The following TMLHE variants were observed in gnomAD, a reference collection of about 807,000 sequenced individuals.
TMLHE encodes the protein trimethyllysine dioxygenase, mitochondrial.
TMLHE carries 18 observed loss-of-function variants against 25.7 expected under a neutral mutation model. That is an observed-to-expected ratio of 0.70 (90% CI 0.48 to 1.04). The LOEUF (loss-of-function observed/expected upper bound fraction) is 1.04, where lower values mean the gene tolerates loss of function less well. Ranked by LOEUF, TMLHE falls within the 50% of genes least tolerant of loss-of-function variation. The pLI, the probability that TMLHE is intolerant of heterozygous loss-of-function variation, is 0.00. For missense variants in TMLHE, 236 were observed against 259.0 expected (o/e 0.91, Z 0.61); for synonymous variants, 105 against 97.0 (o/e 1.08, Z -0.49).
chrX:155,568,525 GCCT>G lies in TMLHE; in HGVS notation c.-1-23251_-1-23249del, dbSNP rs2067521800. 3.2e-5 allele frequency among the ~76,000 whole-genome samples: 2 copies of G among 62,161 alleles called. 1 individual carries two copies. Among genetic ancestry groups the G allele is most frequent in the Admixed American group, 3.7e-4 (2 of 5,371 alleles). The allele number at this position is 62,161 out of a possible 115,157, so 54.0% of individuals were successfully genotyped here. On this transcript the variant is annotated intron_variant, in intron 1 of 7. Transcript: ENST00000334398. ...CTGGAGATCTGAGAACAGGCAGACT[GCCT>G]CCTCAAGTGGGTCCCTGACCCCTGA...
At chrX:155,551,511 C>G (rs1244400613) in intron 1 of TMLHE, among the ~76,000 whole-genome samples, 8 of 109,443 alleles carry the variant, frequency 7.3e-5, no homozygotes, top group African/African-American at 2.7e-4. Flanking sequence ...TAAAAGCGTT[C>G]CTATTTCTCC....
intron 1 of TMLHE, among the ~76,000 whole-genome samples, chrX:155,556,686 G>A (rs4092285): frequency 1.3e-3 from 144 of 110,076 alleles, no homozygotes; most frequent in African/African-American, 4.6e-3. Context: ...CACCACTGTC[G>A]TTGATAACAT....
chrX:155,541,910 A>G (rs1479552163), intron 2 of TMLHE, among the ~76,000 whole-genome samples: 3 of 109,778 alleles, frequency 2.7e-5, no homozygotes, highest in African/African-American at 9.9e-5. Context: ...TTTCATGTAA[A>G]TTTGTCTAAG....
chrX:155,549,827 A>C (rs1211854921), intron 1 of TMLHE, among the ~76,000 whole-genome samples: 1 of 109,526 alleles, frequency 9.1e-6, no homozygotes, highest in East Asian at 2.8e-4. Context: ...CTGCACCCAT[A>C]AACCCGTCAC....
chrX:155,548,537 C>CAG (rs1305384210), intron 1 of TMLHE, among the ~76,000 whole-genome samples: 4 of 106,832 alleles, frequency 3.7e-5, no homozygotes, highest in Non-Finnish European at 3.8e-5. Flanking sequence ...AGTATGAGGC[C>CAG]AGCCTGACTA....
chrX:155,596,762 T>G (rs782778646), intron 1 of TMLHE, among the ~76,000 whole-genome samples: 3 of 111,948 alleles, frequency 2.7e-5, no homozygotes, highest in Non-Finnish European at 5.6e-5. Context: ...CCCAATCTTT[T>G]GGCGCCTCTT....
intron 2 of TMLHE, among the ~76,000 whole-genome samples, chrX:155,538,096 T>C (rs1459073692): frequency 7.2e-5 from 8 of 111,488 alleles, no homozygotes; most frequent in Non-Finnish European, 9.4e-5. Context: ...ACTCTAATTA[T>C]GTATCCTCTG....
At chrX:155,556,479 T>A (rs781945719) in intron 1 of TMLHE, among the ~76,000 whole-genome samples, 4 of 110,222 alleles carry the variant, frequency 3.6e-5, no homozygotes, top group Admixed American at 9.7e-5. Flanking sequence ...GTAGGATCCG[T>A]GATGCCCCAC....
At chrX:155,593,714 A>T (rs782598009) in intron 1 of TMLHE, among the ~76,000 whole-genome samples, 1 of 112,044 alleles carries the variant, frequency 8.9e-6, no homozygotes, top group East Asian at 2.8e-4. Flanking sequence ...ATACATGAAC[A>T]AAATAAGAAG....
chrX:155,532,232 A>G (rs2067252904), intron 2 of TMLHE, among the ~76,000 whole-genome samples: 1 of 112,287 alleles, frequency 8.9e-6, no homozygotes, highest in Non-Finnish European at 1.9e-5. Flanking sequence ...CAGAAGGGTT[A>G]CCTACACACA....
chrX:155,584,636 A>T (rs2067653026), intron 1 of TMLHE, among the ~76,000 whole-genome samples: 2 of 111,540 alleles, frequency 1.8e-5, no homozygotes, highest in South Asian at 7.5e-4. Flanking sequence ...CTAGCCACCA[A>T]TAAAAGAACT....
chrX:155,572,334 C>G lies in TMLHE; in HGVS notation c.-1-27057G>C, dbSNP rs1204342558. On this transcript the variant is annotated intron_variant, in intron 1 of 7. Transcript: ENST00000334398. ...CAAACCACTGCTCAATGAAATAAAA[C>G]AGGATACAAAGAAATGGAAGAACAT... Among the ~76,000 whole-genome samples, 3 of 55,177 alleles carry G rather than the reference C, an allele frequency of 5.4e-5. 1 individual carries two copies. The highest frequency in any genetic ancestry group is 1.3e-4 in the African/African-American group (3 of 22,937). The allele number at this position is 55,177 out of a possible 115,157, so 47.9% of individuals were successfully genotyped here.
intron 1 of TMLHE, among the ~76,000 whole-genome samples, chrX:155,554,287 T>A (rs1335995284): frequency 9.0e-6 from 1 of 111,256 alleles, no homozygotes; most frequent in Admixed American, 9.6e-5. Context: ...ATCAGTTTAA[T>A]TCTGCCTGAA....
At chrX:155,530,815 A>T in intron 2 of TMLHE, among the ~76,000 whole-genome samples, 1 of 112,741 alleles carries the variant, frequency 8.9e-6, no homozygotes. Context: ...CTCTAGCTCC[A>T]ATCAGCAGTA....
Position 155,534,546 on chromosome X carries a change from C to A in TMLHE, c.182-9914G>T, listed in dbSNP as rs145649067. On this transcript the variant is annotated intron_variant, in intron 2 of 7. Transcript: ENST00000334398. ...ACCTGGCACCCGGCCTTATTTCTCT[C>A]TTTTTGGAATGGGACTGTCTCTATT... Among the ~76,000 whole-genome samples the A allele has an allele frequency of 1.9e-3, 209 of 111,528 alleles. 1 individual carries two copies. Among genetic ancestry groups the A allele is most frequent in the African/African-American group, 6.5e-3 (200 of 30,689 alleles).
At chrX:155,519,088 T>TCC (rs2067177966) in intron 3 of TMLHE, among the ~76,000 whole-genome samples, 1 of 18,850 alleles carries the variant, frequency 5.3e-5, no homozygotes, top group African/African-American at 1.2e-4. Flanking sequence ...GCTCTTGCTT[T>TCC]TCTAGTTCTT....
intron 1 of TMLHE, among the ~76,000 whole-genome samples, chrX:155,559,081 T>G (rs782500520): frequency 3.6e-4 from 40 of 111,840 alleles, no homozygotes; most frequent in Non-Finnish European, 5.8e-4. Context: ...GTAATATATT[T>G]ATATAAATCC....
At chrX:155,538,381 C>A (rs782783585) in intron 2 of TMLHE, among the ~76,000 whole-genome samples, 2 of 111,732 alleles carry the variant, frequency 1.8e-5, no homozygotes, top group African/African-American at 6.5e-5. Flanking sequence ...CATTGATGGA[C>A]GCTTATGATG....
intron 1 of TMLHE, among the ~76,000 whole-genome samples, chrX:155,557,780 C>G (rs1349142418): frequency 1.8e-5 from 2 of 111,337 alleles, no homozygotes; most frequent in Non-Finnish European, 3.8e-5. Context: ...AGTTGCGTAA[C>G]TCAAAAATCA....
Sources: gnomAD v4.1 joint callset for allele counts (sites outside exome capture counted in the v4.1 genomes callset) on GRCh38, gnomAD v4.1.1 for gene constraint, MANE v1.5 for transcripts, NCBI Gene and HGNC (gene_info 2026-07-23, HGNC 2026-07-21) for gene names.